Variants in ABRAXAS1 observed in about 807,000 individuals in gnomAD.
ABRAXAS1 encodes the protein abraxas 1, BRCA1 A complex subunit, also known as BRCA1-A complex subunit Abraxas 1.
A neutral mutation model predicts 38.4 loss-of-function variants in ABRAXAS1; 26 were observed. The ratio of observed to expected loss-of-function variants is 0.68; its 90% CI spans 0.50 to 0.94. The LOEUF (loss-of-function observed/expected upper bound fraction) is 0.94, where lower values mean the gene tolerates loss of function less well. Among genes scored for constraint, ABRAXAS1 ranks in the 40% least tolerant of loss-of-function variants. The probability of loss-of-function intolerance (pLI) is 0.00; values close to 1 mark genes in which losing one functional copy is unlikely to be tolerated. For synonymous variants in ABRAXAS1, 144 were observed against 165.5 expected (o/e 0.87, Z 1.00); for missense variants, 438 against 481.9 (o/e 0.91, Z 0.85).
At position 83,463,577 on chromosome 4, in the gene ABRAXAS1, TG is replaced by T. The variant is rs771336457; in HGVS notation, c.712del (p.Gln238LysfsTer3). 23 of 1,610,328 alleles carry T rather than the reference TG, an allele frequency of 1.4e-5. No individual in the cohort carries two copies. Among genetic ancestry groups the T allele is most frequent in the Non-Finnish European group, 1.7e-5 (20 of 1,178,718 alleles). On this transcript the variant is annotated frameshift_variant, in exon 8 of 9. Coordinates refer to ENST00000321945, the MANE Select transcript of ABRAXAS1 (RefSeq NM_139076.3). LOFTEE classifies it high-confidence loss of function. ...SICKKVEDSE[Q>X]AVDKLVKDVN... ...ATCCTTTACTAGTTTATCTACTGCTTGTTCACTGTCTTCCACTTTTTTGCAT... is the reference window on the plus strand; with the variant it reads ...ATCCTTTACTAGTTTATCTACTGCTTTTCACTGTCTTCCACTTTTTTGCAT...
At chr4:83,484,442 C>T (rs1578138221) in intron 1 of ABRAXAS1, among the ~76,000 whole-genome samples, 1 of 152,336 alleles carries the variant, frequency 6.6e-6, no homozygotes, top group East Asian at 1.9e-4. Flanking sequence ...AATTTAATAA[C>T]GCAAATAAAA....
intron 3 of ABRAXAS1, among the ~76,000 whole-genome samples, chr4:83,473,646 A>C (rs893548749): frequency 6.6e-6 from 1 of 151,792 alleles, no homozygotes; most frequent in African/African-American, 2.4e-5. Flanking sequence ...CACCCTCCCT[A>C]GTAATGGGGA....
chr4:83,473,761 C>T, intron 3 of ABRAXAS1, among the ~76,000 whole-genome samples: 1 of 151,784 alleles, frequency 6.6e-6, no homozygotes, highest in East Asian at 2.0e-4. Context: ...AGTGATCCAC[C>T]CACCTCACCT....
intron 1 of ABRAXAS1, among the ~76,000 whole-genome samples, chr4:83,482,854 C>T (rs1167025851): frequency 6.6e-6 from 1 of 152,114 alleles, no homozygotes; most frequent in Non-Finnish European, 1.5e-5. Flanking sequence ...GTAGGCAGAG[C>T]ATGAAGCACT....
chr4:83,471,450 C>T (rs890947659), intron 4 of ABRAXAS1, among the ~76,000 whole-genome samples: 22 of 151,820 alleles, frequency 1.4e-4, no homozygotes, highest in African/African-American at 5.1e-4. Flanking sequence ...CCTCGTGATC[C>T]GCCCTCCGCA....
chr4:83,463,694 TTGG>T, intron 7 of ABRAXAS1, 86 bp from the exon 8 acceptor site: 1 of 683,054 alleles, frequency 1.5e-6, no homozygotes, highest in Non-Finnish European at 2.3e-6. Flanking sequence ...TATAAAATCA[TTGG>T]TGGTATATAA....
At position 83,484,985 on chromosome 4, in the gene ABRAXAS1, C is replaced by A; in HGVS notation, c.87+1G>T. On this transcript the variant is annotated splice_donor_variant, in intron 1 of 8. Transcript: ENST00000321945. LOFTEE classifies it high-confidence loss of function. ...GGACCCCGCCCCGTCCCTCGGCTCA[C>A]CGTGTCCGAGTCCGTGTTGAGGTGC... is the stretch of plus-strand genomic sequence containing the variant. 1.3e-6 allele frequency: 2 copies of A among 1,578,452 alleles called. No homozygotes were observed. Among genetic ancestry groups the A allele is most frequent in the Non-Finnish European group, 1.7e-6 (2 of 1,161,934 alleles).
At chr4:83,466,564 C>T (rs1722365286) in intron 7 of ABRAXAS1, among the ~76,000 whole-genome samples, 1 of 144,808 alleles carries the variant, frequency 6.9e-6, no homozygotes, top group South Asian at 2.3e-4. Context: ...GAGACGGAGT[C>T]TCGTTCTGTT....
In ABRAXAS1 at chr4:83,471,189, A is replaced by ATTTTTTTTTTTTTTTTT. The variant is rs1560575138; in HGVS notation, c.283-794_283-793insAAAAAAAAAAAAAAAAA. On this transcript the variant is annotated intron_variant, in intron 4 of 8. Transcript: ENST00000321945. ...GCCAAACATATTTGTTGAAAGAAAC[A>ATTTTTTTTTTTTTTTTT]TCTTTTTTTTTTTTTTTTTTTTTTT... Among the ~76,000 whole-genome samples, 3 of 124,104 alleles carry ATTTTTTTTTTTTTTTTT rather than the reference A, an allele frequency of 2.4e-5. 1 individual carries two copies. The allele number at this position is 124,104 out of a possible 152,430, so 81.4% of individuals were successfully genotyped here.
intron 5 of ABRAXAS1, 51 bp from the exon 6 acceptor site, chr4:83,469,202 G>A: frequency 6.7e-7 from 1 of 1,494,940 alleles, no homozygotes; most frequent in Non-Finnish European, 9.3e-7. Context: ...AGAAAGATTA[G>A]TATCTACCTG....
Position 83,461,055 on chromosome 4 carries a change from C to T in ABRAXAS1, c.*1414G>A. Reference sequence around the variant, plus strand: ...TGGGTAAGAAAGAATACCTCAACAACTGAATTGAGCTAGCTGAAATTTTGC... The same window carrying T: ...TGGGTAAGAAAGAATACCTCAACAATTGAATTGAGCTAGCTGAAATTTTGC... On this transcript the variant is annotated 3_prime_UTR_variant, in exon 9 of 9. Transcript: ENST00000321945. The T allele has an allele frequency of 1.2e-6, 2 of 1,611,836 alleles. No homozygotes were observed. The highest frequency in any genetic ancestry group is 1.7e-6 in the Non-Finnish European group (2 of 1,178,280).
rs1473516244 is a variant in ABRAXAS1 at position 83,469,202 on chromosome 4, G to C, written c.477-51C>G. On this transcript the variant is annotated intron_variant, in intron 5 of 8. Coordinates refer to ENST00000321945, the MANE Select transcript of ABRAXAS1 (RefSeq NM_139076.3). ...AAACTTAGAATGAAAAGAAAGATTA[G>C]TATCTACCTGCTGGAATAGATTACT... The C allele has an allele frequency of 5.4e-6, 8 of 1,494,940 alleles. No individual in the cohort carries two copies. In the East Asian group the frequency reaches 1.8e-4, roughly 34 times the overall value. The allele number at this position is 1,494,940 out of a possible 1,614,324, so 92.6% of individuals were successfully genotyped here. A position where few individuals can be genotyped will look rare whatever the true frequency, so the allele number is the denominator to read the frequency against.
intron 2 of ABRAXAS1, among the ~76,000 whole-genome samples, 165 bp downstream of exon 2, chr4:83,481,989 T>A (rs1056329003): frequency 1.3e-5 from 2 of 152,162 alleles, no homozygotes; most frequent in Non-Finnish European, 2.9e-5. Context: ...CCTCAGGTAA[T>A]CCGCCTCGGC....
intron 3 of ABRAXAS1, among the ~76,000 whole-genome samples, chr4:83,474,057 G>A (rs926771688): frequency 4.0e-5 from 6 of 151,572 alleles, no homozygotes; most frequent in East Asian, 2.0e-4. Context: ...TGGGAGAATC[G>A]CTTGAACCTG....
intron 7 of ABRAXAS1, among the ~76,000 whole-genome samples, chr4:83,465,721 GTGGT>G (rs1401733294): frequency 1.3e-5 from 2 of 152,186 alleles, no homozygotes; most frequent in Non-Finnish European, 2.9e-5. Context: ...CCAAGAGGTG[GTGGT>G]TGTAGTGAGC....
At chr4:83,472,188 A>C (rs1295575651) in intron 4 of ABRAXAS1, 34 bp downstream of exon 4, 2 of 1,374,664 alleles carry the variant, frequency 1.5e-6, no homozygotes, top group Non-Finnish European at 2.0e-6. Context: ...AATGCAAATA[A>C]TACCAAAAAA....
chr4:83,478,028 AG>A, intron 2 of ABRAXAS1: 1 of 986,812 alleles, frequency 1.0e-6, no homozygotes, highest in Non-Finnish European at 1.6e-6. Flanking sequence ...GGAAGGCACC[AG>A]GGGTCTGTGG....
In ABRAXAS1 at chr4:83,460,120, G is replaced by A. The variant is rs1408774046; in HGVS notation, c.*2349C>T. On this transcript the variant is annotated 3_prime_UTR_variant, in exon 9 of 9. Coordinates refer to ENST00000321945, the MANE Select transcript of ABRAXAS1 (RefSeq NM_139076.3). ...ATGGCCCATAGGCCAAATTCGACCTGCTCCCTTTTTATCTTGATTAGGTTC... is the reference window on the plus strand; with the variant it reads ...ATGGCCCATAGGCCAAATTCGACCTACTCCCTTTTTATCTTGATTAGGTTC... 2.2e-5 allele frequency: 4 copies of A among 183,332 alleles called. No homozygotes were observed. In the East Asian group the frequency reaches 4.1e-4, roughly 19 times the overall value. The allele number at this position is 183,332 out of a possible 1,614,324, so 11.4% of individuals were successfully genotyped here.
Position 83,463,482 on chromosome 4 carries a change from T to G in ABRAXAS1, c.796+12A>C, listed in dbSNP as rs1722226648. The G allele has an allele frequency of 1.3e-6, 2 of 1,538,590 alleles. No homozygotes were observed. The highest frequency in any genetic ancestry group is 1.8e-6 in the Non-Finnish European group (2 of 1,124,606). On this transcript the variant is annotated intron_variant, in intron 8 of 8. Transcript: ENST00000321945. ...TTTTAGCACAGAAAGTAGAGATGTG[T>G]TGTTTACTTACTTGCTGCCTGAATC...
Sources: allele counts gnomAD v4.1 joint callset (sites outside exome capture counted in the v4.1 genomes callset), GRCh38; gene constraint gnomAD v4.1.1; transcripts MANE v1.5; gene names NCBI Gene and HGNC (gene_info 2026-07-23, HGNC 2026-07-21).